The following CCL17 variants were observed in gnomAD, a reference collection of about 807,000 sequenced individuals.
CCL17 encodes the protein C-C motif chemokine ligand 17, also known as C-C motif chemokine 17.
A neutral mutation model predicts 7.4 loss-of-function variants in CCL17; 8 were observed. That is an observed-to-expected ratio of 1.09 (90% confidence interval 0.64 to 1.96). CCL17 has a LOEUF of 1.96. Ranked by LOEUF, CCL17 falls within the 30% of genes most tolerant of loss-of-function variation. CCL17 has a pLI of 0.00. For synonymous variants in CCL17, 40 were observed against 46.1 expected (o/e 0.87, Z 0.54); for missense variants, 102 against 113.0 (o/e 0.90, Z 0.44).
chr16:57,398,114 A>G, the CCL17 span, among the ~76,000 whole-genome samples: 1 of 152,198 alleles, frequency 6.6e-6, no homozygotes, highest in Admixed American at 6.5e-5. Context: ...CTGGTATCTA[A>G]GCAGATGGTT....
In CCL17 at chr16:57,416,042, C is replaced by G. The variant is rs1902865730; in HGVS notation, c.*181C>G. 1 of 580,628 alleles carries G rather than the reference C, an allele frequency of 1.7e-6. No individual in the cohort carries two copies. The highest frequency in any genetic ancestry group is 3.1e-6 in the Non-Finnish European group (1 of 322,976). The allele number at this position is 580,628 out of a possible 1,614,324, so 36.0% of individuals were successfully genotyped here. ...ACTGGAGCCATGGGCACAAAGGGCC[C>G]AGATTAAAGTCTTTATCCTCAGTCT... is the stretch of plus-strand genomic sequence containing the variant. On this transcript the variant is annotated 3_prime_UTR_variant, in exon 4 of 4. Transcript: ENST00000219244.
At chr16:57,410,764 T>C (rs1300407894) in intron 1 of CCL17, among the ~76,000 whole-genome samples, 1 of 152,216 alleles carries the variant, frequency 6.6e-6, no homozygotes, top group Non-Finnish European at 1.5e-5. Flanking sequence ...TGGTCCCCGC[T>C]GCCTCCCAAA....
the CCL17 span, among the ~76,000 whole-genome samples, chr16:57,397,348 C>G: frequency 6.6e-6 from 1 of 152,220 alleles, no homozygotes; most frequent in Non-Finnish European, 1.5e-5. Flanking sequence ...CCACTGGCTG[C>G]CCTCTTCTGT....
rs771508366 is a variant in CCL17, at chr16:57,414,009, G to A, written c.70+7G>A. The A allele has an allele frequency of 6.2e-7, 1 of 1,609,652 alleles. No homozygotes were observed. Among genetic ancestry groups the A allele is most frequent in the Non-Finnish European group, 8.5e-7 (1 of 1,177,928 alleles). The stretch of plus-strand genomic sequence containing the variant: ...CTGCAGCACATCCACGCAGGTGAGA[G>A]CAGGGGACAGGTGGCCAGGGGCAGG... On this transcript the variant is annotated splice_region_variant and intron_variant, in intron 2 of 3. Transcript: ENST00000219244.
chr16:57,408,958 C>A (rs1202255075), intron 1 of CCL17, among the ~76,000 whole-genome samples: 1 of 152,174 alleles, frequency 6.6e-6, no homozygotes, highest in African/African-American at 2.4e-5. Flanking sequence ...GATCCACCTG[C>A]CTCTGCCTCC....
At chr16:57,403,767 C>T (rs372402302), upstream of CCL17, among the ~76,000 whole-genome samples, 3 of 141,768 alleles carry the variant, frequency 2.1e-5, no homozygotes, top group Non-Finnish European at 4.5e-5. Context: ...AGTGATTCTC[C>T]TGCCTCAGCC....
chr16:57,404,680 A>G (rs1902668682), upstream of CCL17: 1 of 153,808 alleles, frequency 6.5e-6, no homozygotes, highest in Non-Finnish European at 1.5e-5. Context: ...TATTTGCCAG[A>G]TATAAGCAGT....
the CCL17 span, among the ~76,000 whole-genome samples, chr16:57,399,315 C>A: frequency 6.6e-6 from 1 of 152,152 alleles, no homozygotes; most frequent in Non-Finnish European, 1.5e-5. Flanking sequence ...CTGGGGCCCT[C>A]TTTCTAGAGT....
chr16:57,408,318 A>G (rs1902730289), intron 1 of CCL17, among the ~76,000 whole-genome samples: 1 of 152,050 alleles, frequency 6.6e-6, no homozygotes, highest in Admixed American at 6.6e-5. Flanking sequence ...TCCATCCTCC[A>G]TCCATCCATT....
chr16:57,403,020 C>CA (rs532901212), upstream of CCL17, among the ~76,000 whole-genome samples: 300 of 56,618 alleles, frequency 5.3e-3, 2 homozygotes, highest in Middle Eastern at 0.036. Context: ...AGCATTTCAG[C>CA]AAAAAAAAAA....
upstream of CCL17, among the ~76,000 whole-genome samples, chr16:57,402,480 C>T (rs2146529647): frequency 6.6e-6 from 1 of 152,308 alleles, no homozygotes; most frequent in African/African-American, 2.4e-5. Context: ...ACCCCGACTG[C>T]AGGCAGGCTG....
chr16:57,396,610 G>A, the CCL17 span, among the ~76,000 whole-genome samples: 1 of 152,298 alleles, frequency 6.6e-6, no homozygotes, highest in East Asian at 1.9e-4. Context: ...GGGGTGAATG[G>A]TCATGCAGGG....
At chr16:57,409,762 C>A (rs1902754928) in intron 1 of CCL17, among the ~76,000 whole-genome samples, 1 of 152,166 alleles carries the variant, frequency 6.6e-6, no homozygotes, top group South Asian at 2.1e-4. Flanking sequence ...TCAGGAACGA[C>A]AGACACATCA....
At chr16:57,405,877 C>A (rs1366451271) in intron 1 of CCL17, among the ~76,000 whole-genome samples, 43 of 140,292 alleles carry the variant, frequency 3.1e-4, no homozygotes, top group Admixed American at 3.5e-4. Context: ...ACTAAAAATA[C>A]AAAAAAAAAA....
chr16:57,414,178 T>C (rs1816976633), intron 2 of CCL17, among the ~76,000 whole-genome samples, 176 bp downstream of exon 2: 2 of 151,998 alleles, frequency 1.3e-5, no homozygotes, highest in Admixed American at 6.6e-5. Context: ...GAGAAAAATG[T>C]TGATGATGAC....
upstream of CCL17, among the ~76,000 whole-genome samples, chr16:57,403,425 A>AT (rs1902630236): frequency 6.8e-5 from 1 of 14,776 alleles, no homozygotes. Flanking sequence ...ATTATATTAT[A>AT]ATATATATTA....
At chr16:57,400,166 T>C (rs1902571777), upstream of CCL17, among the ~76,000 whole-genome samples, 1 of 152,150 alleles carries the variant, frequency 6.6e-6, no homozygotes, top group African/African-American at 2.4e-5. Context: ...GAGACCATCC[T>C]GGCTAACGCG....
rs758099394 is a variant in CCL17, at chr16:57,415,196, C to T, written c.186C>T (p.Ile62=). ...CTGAGGACTGCTCCAGGGATGCCAT[C>T]GTGTAAGTCCCCCTGGCTCCACCCC... The part of the protein sequence containing the change: ...QTSEDCSRDA[I]VFVTVQGRAI... Residue 62 remains isoleucine, a splice_region_variant and synonymous_variant, in exon 3 of 4, where the codon ATC becomes ATT. Transcript: ENST00000219244. The surrounding 1 kb of genome is among the most constrained non-coding windows in gnomAD (Gnocchi z 4.5). 2.5e-6 allele frequency: 4 copies of T among 1,589,354 alleles called. No individual in the cohort carries two copies. Among genetic ancestry groups the T allele is most frequent in the African/African-American group, 1.3e-5 (1 of 74,502 alleles).
chr16:57,400,076 C>A (rs1009797261), upstream of CCL17, among the ~76,000 whole-genome samples: 6 of 152,150 alleles, frequency 3.9e-5, no homozygotes, highest in African/African-American at 1.4e-4. Flanking sequence ...AAAACAGGAA[C>A]TGGCAGGACG....
Sources: allele counts gnomAD v4.1 joint callset (sites outside exome capture counted in the v4.1 genomes callset), GRCh38; gene constraint gnomAD v4.1.1; non-coding constraint Gnocchi (gnomAD v3.1); transcripts MANE v1.5; gene names NCBI Gene and HGNC (gene_info 2026-07-23, HGNC 2026-07-21).